MSRB2: variants seen among roughly 807,000 people sequenced by gnomAD.
MSRB2 encodes the protein methionine sulfoxide reductase B2.
Under a neutral mutation model 19.0 loss-of-function variants are expected in MSRB2, and 17 were observed. The observed-to-expected ratio is 0.89, with a 90% CI of 0.61 to 1.34. MSRB2 has a LOEUF of 1.34. MSRB2 is among the 40% of genes most tolerant of loss of function. The pLI is 0.00. For synonymous variants in MSRB2, 107 were observed against 99.7 expected (o/e 1.07, Z -0.44); for missense variants, 208 against 237.6 (o/e 0.88, Z 0.82).
At chr10:23,095,831 C>T in intron 1 of MSRB2, 105 bp downstream of exon 1, 1 of 686,778 alleles carries the variant, frequency 1.5e-6, no homozygotes, top group Non-Finnish European at 2.0e-6. Context: ...GCGCTGCCCT[C>T]CTACTAAGCC....
At chr10:23,098,667 G>C (rs1039921328) in intron 1 of MSRB2, among the ~76,000 whole-genome samples, 2 of 152,152 alleles carry the variant, frequency 1.3e-5, no homozygotes, top group South Asian at 2.1e-4. Context: ...CTCTAGCCAC[G>C]GTAGCCAGAA....
chr10:23,107,856 G>C (rs532766391), intron 2 of MSRB2, among the ~76,000 whole-genome samples: 69 of 152,308 alleles, frequency 4.5e-4, no homozygotes, highest in African/African-American at 1.6e-3. Context: ...TACAGGACTT[G>C]TATAAAATTG....
chr10:23,109,171 G>A (rs943503276), intron 2 of MSRB2, among the ~76,000 whole-genome samples: 3 of 152,136 alleles, frequency 2.0e-5, no homozygotes, highest in Non-Finnish European at 4.4e-5. Flanking sequence ...GGATCTTCAT[G>A]GTCAGCTTGT....
At chr10:23,108,550 A>C (rs1369279340) in intron 2 of MSRB2, among the ~76,000 whole-genome samples, 1 of 146,320 alleles carries the variant, frequency 6.8e-6, no homozygotes, top group Admixed American at 7.1e-5. Flanking sequence ...ATCTCGGCTC[A>C]CTGCAACCTC....
intron 3 of MSRB2, among the ~76,000 whole-genome samples, chr10:23,117,343 C>T (rs1588971869): frequency 2.6e-5 from 4 of 152,180 alleles, no homozygotes; most frequent in African/African-American, 9.6e-5. Context: ...CACTTGAGGC[C>T]ACATCCTCTT....
chr10:23,120,706 A>G (rs1840171885), intron 4 of MSRB2, 52 bp from the exon 5 acceptor site: 3 of 1,466,512 alleles, frequency 2.0e-6, no homozygotes, highest in East Asian at 2.3e-5. Flanking sequence ...CTGGTTTTAC[A>G]TAAAGAGCTT....
At chr10:23,098,364 G>A (rs1975958) in intron 1 of MSRB2, among the ~76,000 whole-genome samples, 40,995 of 151,966 alleles carry the variant, frequency 0.27, 5,612 homozygotes, top group African/African-American at 0.31. Context: ...AAAAAATCGA[G>A]GCCCACCCCG....
At chr10:23,118,337 G>GTTTTTT (rs35011086) in intron 3 of MSRB2, among the ~76,000 whole-genome samples, 150 of 92,158 alleles carry the variant, frequency 1.6e-3, no homozygotes, top group East Asian at 2.4e-3. Context: ...TTAGTTTTTT[G>GTTTTTT]TTTTTTTTTT....
intron 3 of MSRB2, 151 bp from the exon 4 acceptor site, chr10:23,119,153 C>T (rs559120459): frequency 7.3e-5 from 70 of 962,204 alleles, no homozygotes; most frequent in Middle Eastern, 4.1e-4. Flanking sequence ...AGGACGATTC[C>T]GGGGGGACTG....
At chr10:23,119,674 G>C (rs1840159883) in intron 4 of MSRB2, among the ~76,000 whole-genome samples, 1 of 152,126 alleles carries the variant, frequency 6.6e-6, no homozygotes, top group South Asian at 2.1e-4. Flanking sequence ...CATGATCTCA[G>C]CTCACTGCAG....
chr10:23,113,388 G>A (rs78840519), intron 3 of MSRB2, among the ~76,000 whole-genome samples: 1 of 151,918 alleles, frequency 6.6e-6, no homozygotes, highest in African/African-American at 2.4e-5. Context: ...CACACACCAT[G>A]GGTTTTTTTT....
rs1218498324 is a variant in MSRB2, at chr10:23,121,573, C to G, written c.*711C>G. On this transcript the variant is annotated 3_prime_UTR_variant, in exon 5 of 5. Transcript: ENST00000376510. ...ACGACAGAGGGACAGCTGTTTCCAT[C>G]AAACACTTCCACAGCTTCACCTGAG... 1.3e-5 allele frequency: 2 copies of G among 152,254 alleles called. No individual in the cohort carries two copies. The highest frequency in any genetic ancestry group is 4.8e-5 in the African/African-American group (2 of 41,458). The allele number at this position is 152,254 out of a possible 1,614,324, so 9.4% of individuals were successfully genotyped here. A position where few individuals can be genotyped will look rare whatever the true frequency, so the allele number is the denominator to read the frequency against.
At chr10:23,099,445 C>T (rs545036486) in intron 1 of MSRB2, among the ~76,000 whole-genome samples, 11 of 152,280 alleles carry the variant, frequency 7.2e-5, no homozygotes, top group African/African-American at 2.6e-4. Flanking sequence ...AAAAGGTCCA[C>T]ATTGATAAGG....
intron 3 of MSRB2, among the ~76,000 whole-genome samples, chr10:23,113,621 G>C (rs1378470629): frequency 6.6e-6 from 1 of 152,146 alleles, no homozygotes; most frequent in Non-Finnish European, 1.5e-5. Context: ...TGTAAGCTGG[G>C]AATGTGACCT....
intron 1 of MSRB2, among the ~76,000 whole-genome samples, chr10:23,096,421 A>G (rs1400661772): frequency 6.8e-6 from 1 of 146,622 alleles, no homozygotes; most frequent in Non-Finnish European, 1.5e-5. Flanking sequence ...GTACCTGCAC[A>G]TTTCACCAAG....
chr10:23,111,049 C>T (rs1433201637), intron 3 of MSRB2, among the ~76,000 whole-genome samples: 2 of 152,192 alleles, frequency 1.3e-5, no homozygotes, highest in East Asian at 1.9e-4. Context: ...ATAAATCAAG[C>T]CAGCTCTGTG....
rs747117917 is a variant in MSRB2 at position 23,119,335 on chromosome 10, T to C, written c.328T>C (p.Trp110Arg). 2 of 1,614,046 alleles carry C rather than the reference T, an allele frequency of 1.2e-6. No individual in the cohort carries two copies. Among genetic ancestry groups the C allele is most frequent in the African/African-American group, 2.7e-5 (2 of 74,920 alleles). The change falls in exon 4 of 5, where the codon TGG becomes CGG. Residue 110 changes from tryptophan (W) to arginine (R), a missense_variant. Coordinates refer to ENST00000376510, the MANE Select transcript of MSRB2 (RefSeq NM_012228.4). ...GAAAAAGTACTGCTCTGGCACTGGG[T>C]GGCCTTCGTTTTCCGAGGCTCATGG... ...SEKKYCSGTG[W>R]PSFSEAHGTS... is the part of the protein sequence containing the mutation.
chr10:23,111,478 A>C (rs1250908921), intron 3 of MSRB2, among the ~76,000 whole-genome samples: 1 of 152,248 alleles, frequency 6.6e-6, no homozygotes, highest in Non-Finnish European at 1.5e-5. Context: ...CTGTGAATAC[A>C]GAAGATAAAT....
At chr10:23,097,793 G>A (rs916586478) in intron 1 of MSRB2, among the ~76,000 whole-genome samples, 6 of 152,026 alleles carry the variant, frequency 3.9e-5, no homozygotes, top group Non-Finnish European at 5.9e-5. Context: ...TGACACTTAG[G>A]CACACAATAA....
Sources: allele counts gnomAD v4.1 joint callset (sites outside exome capture counted in the v4.1 genomes callset), GRCh38; gene constraint gnomAD v4.1.1; transcripts MANE v1.5; gene names NCBI Gene and HGNC (gene_info 2026-07-23, HGNC 2026-07-21).